Variants in ZFX observed in about 807,000 individuals in gnomAD.
ZFX encodes the protein zinc finger X-chromosomal protein.
For synonymous variants in ZFX, 196 were observed against 226.8 expected (o/e 0.86, Z 1.22); for missense variants, 362 against 628.3 (o/e 0.58, Z 4.53).
At chrX:24,188,342 A>AT (rs1296171536) in intron 5 of ZFX, among the ~76,000 whole-genome samples, 1 of 110,543 alleles carries the variant, frequency 9.0e-6, no homozygotes, top group Non-Finnish European at 1.9e-5. Context: ...TCCACATAAC[A>AT]TTTTTTTCAT....
intron 4 of ZFX, among the ~76,000 whole-genome samples, chrX:24,175,097 A>G (rs901202628): frequency 8.9e-6 from 1 of 112,223 alleles, no homozygotes; most frequent in Non-Finnish European, 1.9e-5. Context: ...GGTAATTTCA[A>G]TTTGATAATG....
At chrX:24,197,057 C>G (rs999596174) in intron 5 of ZFX, among the ~76,000 whole-genome samples, 1 of 112,579 alleles carries the variant, frequency 8.9e-6, no homozygotes, top group African/African-American at 3.2e-5. Context: ...AGTCACAGTT[C>G]AAGTACTCAA....
chrX:24,184,832 A>T (rs1228446134), intron 5 of ZFX, among the ~76,000 whole-genome samples: 1 of 112,330 alleles, frequency 8.9e-6, no homozygotes, highest in Non-Finnish European at 1.9e-5. Flanking sequence ...CATTTAAACA[A>T]ATACATACAC....
intron 5 of ZFX, among the ~76,000 whole-genome samples, chrX:24,201,406 A>AT (rs1231938210): frequency 1.8e-5 from 2 of 112,642 alleles, no homozygotes; most frequent in Non-Finnish European, 3.8e-5. Flanking sequence ...AAATGATTGG[A>AT]TTTTCTAGTC....
upstream of ZFX, chrX:24,149,230 C>T (rs1270274890): frequency 1.8e-5 from 2 of 109,893 alleles, no homozygotes; most frequent in Non-Finnish European, 3.8e-5. Flanking sequence ...GCTGGAGCCT[C>T]GGCCAGGACC....
chrX:24,165,852 A>G (rs1933953361), intron 3 of ZFX, among the ~76,000 whole-genome samples: 1 of 112,637 alleles, frequency 8.9e-6, no homozygotes, highest in African/African-American at 3.2e-5. Flanking sequence ...AGCAAAAACT[A>G]ATAAGCTATT....
At position 24,187,192 on chromosome X, in the gene ZFX, C is replaced by T. The variant is rs533691433; in HGVS notation, c.646+7422C>T. On this transcript the variant is annotated intron_variant, in intron 5 of 9. Transcript: ENST00000304543. Reference sequence around the variant, plus strand: ...TATCTGCAGGTCTGATCATAGTGCACTGCAGCCTCGAATAATAGCTTCTCC... The same window carrying T: ...TATCTGCAGGTCTGATCATAGTGCATTGCAGCCTCGAATAATAGCTTCTCC... Among the ~76,000 whole-genome samples, 6 of 111,876 alleles carry T rather than the reference C, an allele frequency of 5.4e-5. 1 individual carries two copies. The South Asian group carries it at 2.2e-3, about 42-fold the overall frequency.
rs1041118579 is a variant in ZFX at position 24,214,319 on chromosome X, G to A, written c.*2943G>A. ...GTAAAGAAAGTAAAATACATAAAAA[G>A]AAAATCATATAGGGATGTGTGACAT... On this transcript the variant is annotated 3_prime_UTR_variant, in exon 10 of 10. Transcript: ENST00000304543. 4 of 111,457 alleles carry A rather than the reference G, an allele frequency of 3.6e-5. No individual in the cohort carries two copies. Among genetic ancestry groups the A allele is most frequent in the African/African-American group, 9.8e-5 (3 of 30,584 alleles). The allele number at this position is 111,457 out of a possible 1,213,427, so 9.2% of individuals were successfully genotyped here. A position where few individuals can be genotyped will look rare whatever the true frequency, so the allele number is the denominator to read the frequency against.
At chrX:24,173,549 A>G (rs1934833281) in intron 4 of ZFX, 1 of 1,120,545 alleles carries the variant, frequency 8.9e-7, no homozygotes, top group Non-Finnish European at 1.2e-6. Flanking sequence ...ACCCATGGTT[A>G]TAATTATATA....
chrX:24,203,255 C>T (rs549873203), intron 5 of ZFX, among the ~76,000 whole-genome samples: 24 of 112,217 alleles, frequency 2.1e-4, no homozygotes, highest in Middle Eastern at 4.6e-3. Context: ...GTACTACCTC[C>T]GTCCTGATTC....
intron 4 of ZFX, chrX:24,177,823 A>G (rs1935283104): frequency 4.0e-6 from 3 of 754,629 alleles, no homozygotes; most frequent in Non-Finnish European, 4.7e-6. Context: ...AGAGATGGAA[A>G]GAAGAACAAA....
intron 3 of ZFX, among the ~76,000 whole-genome samples, chrX:24,158,111 G>GATTTA (rs1932898707): frequency 9.0e-6 from 1 of 111,553 alleles, no homozygotes; most frequent in Admixed American, 9.6e-5. Context: ...GTCTAAATAA[G>GATTTA]TCTGAATTGT....
intron 5 of ZFX, among the ~76,000 whole-genome samples, chrX:24,196,810 G>A (rs1453731564): frequency 9.0e-6 from 1 of 111,647 alleles, no homozygotes; most frequent in Non-Finnish European, 1.9e-5. Flanking sequence ...TGTCCAGGCT[G>A]GTCTCAAACT....
chrX:24,155,958 G>C (rs746557909), intron 3 of ZFX, among the ~76,000 whole-genome samples: 2 of 112,148 alleles, frequency 1.8e-5, no homozygotes, highest in Non-Finnish European at 3.8e-5. Flanking sequence ...GCAGTGGCAC[G>C]TGGTCTGGGC....
chrX:24,172,512 T>C (rs1443495152), intron 3 of ZFX, among the ~76,000 whole-genome samples: 1 of 112,451 alleles, frequency 8.9e-6, no homozygotes, highest in Non-Finnish European at 1.9e-5. Flanking sequence ...AGTTGACTTG[T>C]TTATCTGCCC....
At chrX:24,196,406 C>T (rs1191229375) in intron 5 of ZFX, among the ~76,000 whole-genome samples, 1 of 111,972 alleles carries the variant, frequency 8.9e-6, no homozygotes, top group East Asian at 2.8e-4. Flanking sequence ...AGCCACTGCG[C>T]CCAGCCAATC....
chrX:24,164,483 A>T (rs7876819), intron 3 of ZFX, among the ~76,000 whole-genome samples: 1 of 111,023 alleles, frequency 9.0e-6, no homozygotes, highest in South Asian at 3.8e-4. Context: ...ACAGAACCTC[A>T]TAGGCCGAAA....
At chrX:24,198,011 T>G (rs984257061) in intron 5 of ZFX, among the ~76,000 whole-genome samples, 1 of 111,418 alleles carries the variant, frequency 9.0e-6, no homozygotes, top group African/African-American at 3.3e-5. Flanking sequence ...AACCCTAGAA[T>G]GGAGAAACTG....
rs1489719510 is a variant in ZFX at position 24,207,809 on chromosome X, G to A, written c.894G>A (p.Met298Ile). 2.5e-6 allele frequency: 3 copies of A among 1,211,254 alleles called. No homozygotes were observed. The South Asian group carries it at 5.3e-5, about 21-fold the overall frequency. Residue 298 changes from methionine (M) to isoleucine (I), a missense_variant, in exon 7 of 10, where the codon ATG becomes ATA. By Grantham distance (10) the Met-to-Ile change is conservative. Transcript: ENST00000304543. Reference protein sequence around the residue: ...NSSIRVPREKMVYMTVNDSQP... With the variant: ...NSSIRVPREKIVYMTVNDSQP... Reference sequence around the variant, plus strand: ...GTATTCGTGTTCCCAGGGAAAAGATGGTTTATATGACTGTCAATGACTCTC... The same window carrying A: ...GTATTCGTGTTCCCAGGGAAAAGATAGTTTATATGACTGTCAATGACTCTC...
Sources: allele counts gnomAD v4.1 joint callset (sites outside exome capture counted in the v4.1 genomes callset), GRCh38; gene constraint gnomAD v4.1.1; transcripts MANE v1.5; gene names NCBI Gene and HGNC (gene_info 2026-07-23, HGNC 2026-07-21).